RAD51B: variants seen among roughly 807,000 people sequenced by gnomAD.
The protein encoded by RAD51B is DNA repair protein RAD51 homolog 2.
RAD51B carries 38 observed loss-of-function variants against 42.2 expected under a neutral mutation model. That is an observed-to-expected ratio of 0.90 (90% CI 0.70 to 1.18). The LOEUF is 1.18. RAD51B is among the 50% of genes most tolerant of loss of function. RAD51B has a pLI of 0.00. For synonymous variants in RAD51B, 154 were observed against 145.2 expected, an observed-to-expected ratio of 1.06 and a Z score of -0.43; for missense variants, 373 against 400.7, an observed-to-expected ratio of 0.93 and a Z score of 0.59.
intron 9 of RAD51B, among the ~76,000 whole-genome samples, chr14:68,435,097 G>A (rs2085113654): frequency 6.6e-6 from 1 of 152,160 alleles, no homozygotes; most frequent in African/African-American, 2.4e-5. Context: ...ACGAGATGCT[G>A]AAGTTTGAGG....
chr14:67,966,591 A>G (rs1406512778), intron 7 of RAD51B, among the ~76,000 whole-genome samples: 1 of 152,184 alleles, frequency 6.6e-6, no homozygotes, highest in Non-Finnish European at 1.5e-5. Context: ...AACTATTTTC[A>G]GTTTGGTTTT....
At chr14:68,478,677 G>A (rs1882917435), downstream of RAD51B, among the ~76,000 whole-genome samples, 1 of 152,216 alleles carries the variant, frequency 6.6e-6, no homozygotes, top group Non-Finnish European at 1.5e-5. Flanking sequence ...GTCCTCTGTA[G>A]AATCACTTTG....
At chr14:68,087,881 T>C (rs1467172207) in intron 7 of RAD51B, among the ~76,000 whole-genome samples, 9 of 82,398 alleles carry the variant, frequency 1.1e-4, no homozygotes, top group Non-Finnish European at 1.8e-4. Flanking sequence ...ATTATTTATA[T>C]AATTATATAA....
At chr14:67,884,464 T>C (rs917327078) in intron 5 of RAD51B, among the ~76,000 whole-genome samples, 1 of 152,208 alleles carries the variant, frequency 6.6e-6, no homozygotes, top group Admixed American at 6.5e-5. Context: ...TGTTAAAAAC[T>C]GGTAGGTTCT....
intron 4 of RAD51B, among the ~76,000 whole-genome samples, chr14:67,855,205 TAGTTTTTTCTTG>T (rs2041949288): frequency 6.7e-6 from 1 of 149,184 alleles, no homozygotes; most frequent in African/African-American, 2.5e-5. Context: ...GCCAGCATCT[TAGTTTTTTCTTG>T]GAACAATTAC....
intron 9 of RAD51B, among the ~76,000 whole-genome samples, chr14:68,440,728 A>G (rs1157869665): frequency 6.6e-6 from 1 of 151,606 alleles, no homozygotes; most frequent in African/African-American, 2.4e-5. Flanking sequence ...CCTGGGCAAC[A>G]AGAGCGAAAC....
rs1469009719 is a variant in RAD51B, at chr14:68,577,225, G to C, written c.1037-17260G>C. 2.0e-5 allele frequency among the ~76,000 whole-genome samples: 3 copies of C among 152,172 alleles called. No homozygotes were observed. In the South Asian group the frequency reaches 6.2e-4, roughly 32 times the overall value. ...AAAGGAGACACATGGGTCCGGGAGAGAGTTGGGAGGCAATACTAGGTTTGC... is the reference window on the plus strand; with the variant it reads ...AAAGGAGACACATGGGTCCGGGAGACAGTTGGGAGGCAATACTAGGTTTGC... On this transcript the variant is annotated intron_variant, in intron 10 of 10. Transcript: ENST00000487270.
At chr14:67,963,329 GAAT>G (rs983849977) in intron 7 of RAD51B, among the ~76,000 whole-genome samples, 22 of 151,962 alleles carry the variant, frequency 1.4e-4, no homozygotes, top group African/African-American at 5.3e-4. Flanking sequence ...CAGTTGTCTG[GAAT>G]AATGTCACTA....
At chr14:68,028,806 G>A (rs1464764786) in intron 7 of RAD51B, among the ~76,000 whole-genome samples, 2 of 152,182 alleles carry the variant, frequency 1.3e-5, no homozygotes, top group African/African-American at 4.8e-5. Flanking sequence ...ACTTTCTCCT[G>A]CCTCAGCGGT....
In RAD51B at chr14:67,953,963, G is replaced by T. The variant is rs533188936; in HGVS notation, c.756+66759G>T. ...TGCTTTGAGAAATACACACATTTTT[G>T]AGTTTGAATAGAAGAAAAGAAGGTG... On this transcript the variant is annotated intron_variant, in intron 7 of 10. Coordinates refer to ENST00000471583, the MANE Select transcript of RAD51B (RefSeq NM_133510.4). Among the ~76,000 whole-genome samples the T allele has an allele frequency of 4.6e-5, 7 of 152,248 alleles. No individual in the cohort carries two copies. In the Middle Eastern group the frequency reaches 0.017, roughly 370 times the overall value.
At chr14:67,850,795 G>A (rs8018161) in intron 4 of RAD51B, among the ~76,000 whole-genome samples, 6,062 of 152,182 alleles carry the variant, frequency 0.04, 322 homozygotes, top group African/African-American at 0.12. Context: ...CAGTCTCTGT[G>A]GGGGTTTGGG....
chr14:68,631,205 A>T (rs1371068593), intron 10 of RAD51B, among the ~76,000 whole-genome samples: 1 of 152,250 alleles, frequency 6.6e-6, no homozygotes, highest in African/African-American at 2.4e-5. Context: ...TGTGTCTAAA[A>T]GGCGGGTGTA....
At chr14:68,636,062 G>C (rs575016562) in intron 10 of RAD51B, among the ~76,000 whole-genome samples, 1 of 152,286 alleles carries the variant, frequency 6.6e-6, no homozygotes, top group South Asian at 2.1e-4. Context: ...CCAGCCGTGA[G>C]TGCTTTTTTC....
At chr14:67,915,581 C>A (rs1595101673) in intron 7 of RAD51B, among the ~76,000 whole-genome samples, 1 of 152,318 alleles carries the variant, frequency 6.6e-6, no homozygotes, top group African/African-American at 2.4e-5. Flanking sequence ...TTGCCTGCAG[C>A]TTTATTCCTG....
chr14:68,349,243 CTGAG>C (rs2082734466), intron 8 of RAD51B, among the ~76,000 whole-genome samples: 1 of 152,106 alleles, frequency 6.6e-6, no homozygotes, highest in South Asian at 2.1e-4. Context: ...TGGACATTGG[CTGAG>C]TGTCATTGTA....
intron 9 of RAD51B, among the ~76,000 whole-genome samples, chr14:68,434,109 G>A (rs1360936534): frequency 6.6e-5 from 10 of 152,294 alleles, no homozygotes; most frequent in East Asian, 5.8e-4. Flanking sequence ...TGGAAGCTTC[G>A]TCTCACAGGG....
chr14:68,595,867 T>C (rs1366827400), exon 11 of RAD51B: 2 of 289,406 alleles, frequency 6.9e-6, no homozygotes, highest in Non-Finnish European at 1.2e-5. Flanking sequence ...GCATTTTAAC[T>C]GGAAAAATAT....
At chr14:68,594,249 G>C (rs913435412) in intron 10 of RAD51B, among the ~76,000 whole-genome samples, 1 of 152,148 alleles carries the variant, frequency 6.6e-6, no homozygotes, top group Non-Finnish European at 1.5e-5. Context: ...GGGGGAGAGA[G>C]AGAGGAAAAG....
intron 10 of RAD51B, among the ~76,000 whole-genome samples, chr14:68,477,280 G>T (rs1383262094): frequency 1.3e-5 from 2 of 152,198 alleles, no homozygotes; most frequent in African/African-American, 2.4e-5. Context: ...CTAAATCATG[G>T]TCCCCTGCCT....
Sources: allele counts gnomAD v4.1 joint callset (sites outside exome capture counted in the v4.1 genomes callset), GRCh38; gene constraint gnomAD v4.1.1; transcripts MANE v1.5; gene names NCBI Gene and HGNC (gene_info 2026-07-23, HGNC 2026-07-21).